The following PFKP variants were observed in gnomAD, a reference collection of about 807,000 sequenced individuals.
The protein encoded by PFKP is phosphofructokinase, platelet.
PFKP carries 101 observed loss-of-function variants against 94.3 expected under a neutral mutation model. The ratio of observed to expected loss-of-function variants is 1.07; its 90% CI spans 0.91 to 1.26. The LOEUF (loss-of-function observed/expected upper bound fraction) is 1.26, where lower values mean the gene tolerates loss of function less well. PFKP is among the 50% of genes most tolerant of loss of function. The pLI, the probability that PFKP is intolerant of heterozygous loss-of-function variation, is 0.00. For synonymous variants in PFKP, 573 were observed against 432.6 expected (o/e 1.32, Z -4.03); for missense variants, 1,145 against 1,103.3 (o/e 1.04, Z -0.53).
intron 16 of PFKP, chr10:3,125,160 CT>C (rs1564344531): frequency 7.4e-7 from 1 of 1,350,580 alleles, no homozygotes; most frequent in Non-Finnish European, 9.9e-7. Flanking sequence ...TTGCATCCCC[CT>C]GTGTGTGGTG....
intron 15 of PFKP, among the ~76,000 whole-genome samples, chr10:3,119,567 C>G (rs571208994): frequency 1.3e-5 from 2 of 151,862 alleles, no homozygotes; most frequent in Non-Finnish European, 2.9e-5. Context: ...ATTGCACCAC[C>G]TCACTCCAGC....
At position 3,119,874 on chromosome 10, in the gene PFKP, C is replaced by T. The variant is rs1395074329; in HGVS notation, c.1531-18C>T. On this transcript the variant is annotated intron_variant, in intron 15 of 21. Coordinates refer to ENST00000381125, the MANE Select transcript of PFKP (RefSeq NM_002627.5). The stretch of plus-strand genomic sequence containing the variant: ...CCAGCTTCCCTCTCGCCCCACAACT[C>T]CCACGCTTGTCTGACAGGCCTACCT... 2 of 1,613,732 alleles carry T rather than the reference C, an allele frequency of 1.2e-6. No individual in the cohort carries two copies. The highest frequency in any genetic ancestry group is 2.2e-5 in the East Asian group (1 of 44,854).
intron 2 of PFKP, among the ~76,000 whole-genome samples, chr10:3,090,147 G>T (rs1833930364): frequency 6.6e-6 from 1 of 152,152 alleles, no homozygotes; most frequent in Non-Finnish European, 1.5e-5. Flanking sequence ...CCATCAGTGG[G>T]TGCGTGGATA....
intron 16 of PFKP, among the ~76,000 whole-genome samples, chr10:3,128,711 C>T (rs2131698466): frequency 6.6e-6 from 1 of 152,372 alleles, no homozygotes; most frequent in East Asian, 1.9e-4. Flanking sequence ...TCTGCTGATG[C>T]AGGTGATGGC....
At chr10:3,099,579 C>T (rs1834782557) in intron 3 of PFKP, among the ~76,000 whole-genome samples, 1 of 152,204 alleles carries the variant, frequency 6.6e-6, no homozygotes, top group South Asian at 2.1e-4. Context: ...TCGGTGCCTC[C>T]CCGCTGAAGA....
chr10:3,132,137 G>A (rs573380348), intron 17 of PFKP, among the ~76,000 whole-genome samples: 125 of 152,262 alleles, frequency 8.2e-4, no homozygotes, highest in Admixed American at 2.7e-3. Context: ...TGTTGACTCT[G>A]GAAGGTGTTG....
At position 3,105,411 on chromosome 10, in the gene PFKP, T is replaced by C. The variant is rs754300888; in HGVS notation, c.684T>C (p.Ser228=). ...GRHCGYLALV[S]ALACGADWVF... ...CACATAGGTACCTGGCCCTGGTGAG[T>C]GCCTTGGCCTGCGGTGCGGACTGGG... Residue 228 remains serine, a synonymous_variant, in exon 7 of 22, where the codon AGT becomes AGC. Transcript: ENST00000381125. 52 of 1,613,650 alleles carry C rather than the reference T, an allele frequency of 3.2e-5. No individual in the cohort carries two copies. The highest frequency in any genetic ancestry group is 8.3e-5 in the Admixed American group (5 of 59,986).
rs1024280788 is a variant in PFKP at position 3,136,382 on chromosome 10, C to T, written c.2226-68C>T. 8.8e-5 allele frequency: 138 copies of T among 1,564,304 alleles called. No homozygotes were observed. In the Middle Eastern group the frequency reaches 1.3e-3, roughly 14 times the overall value. The stretch of plus-strand genomic sequence containing the variant: ...GTTTCTGGCAAGACCGCTCGCTGTG[C>T]TGGCCAGGCGGAGGCATCTCCCGCC... On this transcript the variant is annotated intron_variant, in intron 21 of 21. Transcript: ENST00000381125.
At chr10:3,067,860 A>T (rs1473921280) in intron 1 of PFKP, among the ~76,000 whole-genome samples, 153 bp downstream of exon 1, 1 of 151,412 alleles carries the variant, frequency 6.6e-6, no homozygotes, top group African/African-American at 2.4e-5. Flanking sequence ...ACCGGGGAGA[A>T]GAGCGGGGAA....
rs1366614067 is a variant in PFKP at position 3,101,544 on chromosome 10, G to A, written c.444G>A (p.Leu148=). ...RKEWSGLLEE[L]ARNGQIDKEA... ...AGTGGAGTGGGCTGCTGGAGGAGCTGGCCAGGAACGGTGAGTGGACACCTG... is the reference window on the plus strand; with the variant it reads ...AGTGGAGTGGGCTGCTGGAGGAGCTAGCCAGGAACGGTGAGTGGACACCTG... Residue 148 remains leucine, a synonymous_variant, in exon 4 of 22, where the codon CTG becomes CTA. Coordinates refer to ENST00000381125, the MANE Select transcript of PFKP (RefSeq NM_002627.5). 1 of 1,543,330 alleles carries A rather than the reference G, an allele frequency of 6.5e-7. No homozygotes were observed. The highest frequency in any genetic ancestry group is 8.7e-7 in the Non-Finnish European group (1 of 1,144,510).
intron 4 of PFKP, among the ~76,000 whole-genome samples, chr10:3,101,860 C>A (rs1023609158): frequency 6.6e-6 from 1 of 152,212 alleles, no homozygotes; most frequent in Non-Finnish European, 1.5e-5. Flanking sequence ...CAAACGGCCA[C>A]TCAGCCGTGG....
intron 2 of PFKP, among the ~76,000 whole-genome samples, chr10:3,095,904 G>A (rs571130259): frequency 3.3e-5 from 5 of 152,304 alleles, no homozygotes; most frequent in Admixed American, 1.3e-4. Flanking sequence ...GCTCACGCAT[G>A]CACTAGACAG....
In PFKP at chr10:3,105,719, C is replaced by G. The variant is rs557754528; in HGVS notation, c.774+218C>G. Among the ~76,000 whole-genome samples the G allele has an allele frequency of 2.0e-5, 3 of 152,296 alleles. No homozygotes were observed. The East Asian group carries it at 5.8e-4, about 29-fold the overall frequency. ...AAGAGGTTTCATTTAAGACCTGAGGCTGAGACAGAGTGAGCCTGGTTAGAA... is the reference window on the plus strand; with the variant it reads ...AAGAGGTTTCATTTAAGACCTGAGGGTGAGACAGAGTGAGCCTGGTTAGAA... On this transcript the variant is annotated intron_variant, in intron 7 of 21. Transcript: ENST00000381125.
intron 1 of PFKP, among the ~76,000 whole-genome samples, chr10:3,081,526 C>T (rs1188269830): frequency 6.6e-6 from 1 of 152,220 alleles, no homozygotes; most frequent in South Asian, 2.1e-4. Context: ...CATCCTTAAG[C>T]AGCAGCGCTG....
chr10:3,135,313 GT>G (rs1839117445), intron 20 of PFKP, among the ~76,000 whole-genome samples: 1 of 152,280 alleles, frequency 6.6e-6, no homozygotes, highest in South Asian at 2.1e-4. Context: ...GATGTGAATA[GT>G]TTCAATGGGT....
chr10:3,115,146 A>G (rs1214145338), intron 13 of PFKP, among the ~76,000 whole-genome samples: 1 of 152,208 alleles, frequency 6.6e-6, no homozygotes, highest in African/African-American at 2.4e-5. Flanking sequence ...GTTGCAATTT[A>G]TGAGGACTAG....
intron 2 of PFKP, among the ~76,000 whole-genome samples, chr10:3,096,232 C>A (rs1029699046): frequency 6.6e-6 from 1 of 152,296 alleles, no homozygotes; most frequent in East Asian, 1.9e-4. Context: ...ATAGCGCGTG[C>A]TCCAGGAATA....
intron 16 of PFKP, among the ~76,000 whole-genome samples, chr10:3,122,534 A>G (rs1837534185): frequency 6.6e-6 from 1 of 152,242 alleles, no homozygotes; most frequent in African/African-American, 2.4e-5. Flanking sequence ...CCATAGAAGA[A>G]CATGAGCTGG....
At chr10:3,080,008 T>TA (rs1832925514) in intron 1 of PFKP, among the ~76,000 whole-genome samples, 1 of 152,010 alleles carries the variant, frequency 6.6e-6, no homozygotes, top group Non-Finnish European at 1.5e-5. Flanking sequence ...GCCAGGCCCT[T>TA]TTCCTGGGAG....
Sources: gnomAD v4.1 joint callset for allele counts (sites outside exome capture counted in the v4.1 genomes callset) on GRCh38, gnomAD v4.1.1 for gene constraint, MANE v1.5 for transcripts, NCBI Gene and HGNC (gene_info 2026-07-23, HGNC 2026-07-21) for gene names.